FHOD3: variants seen among roughly 807,000 people sequenced by gnomAD.
The protein encoded by FHOD3 is formin homology 2 domain containing 3, also known as FH1/FH2 domain-containing protein 3.
Under a neutral mutation model 173.0 loss-of-function variants are expected in FHOD3, and 90 were observed. The ratio of observed to expected loss-of-function variants is 0.52; its 90% CI spans 0.44 to 0.62. The LOEUF (loss-of-function observed/expected upper bound fraction) is 0.62, where lower values mean the gene tolerates loss of function less well. FHOD3 is among the 20% of genes least tolerant of loss of function. The pLI is 0.00. For missense variants in FHOD3, 1,945 were observed against 2,034.7 expected (o/e 0.96, Z 0.85); for synonymous variants, 828 against 823.0 (o/e 1.01, Z -0.10).
At chr18:36,689,719 T>C (rs981381347) in intron 16 of FHOD3, among the ~76,000 whole-genome samples, 1 of 151,992 alleles carries the variant, frequency 6.6e-6, no homozygotes, top group African/African-American at 2.4e-5. Flanking sequence ...GATACTTCTG[T>C]TTGGGTTTGT....
At chr18:36,497,613 G>C (rs1383291530) in intron 3 of FHOD3, among the ~76,000 whole-genome samples, 1 of 152,106 alleles carries the variant, frequency 6.6e-6, no homozygotes, top group Non-Finnish European at 1.5e-5. Context: ...GATGAAGAGA[G>C]GTATTACATA....
intron 14 of FHOD3, among the ~76,000 whole-genome samples, chr18:36,660,576 A>AG (rs1192952326): frequency 1.3e-5 from 2 of 152,202 alleles, no homozygotes; most frequent in African/African-American, 4.8e-5. Context: ...GGAGGGTAAG[A>AG]GGAGACGCAA....
intron 5 of FHOD3, among the ~76,000 whole-genome samples, chr18:36,568,833 A>G (rs2058362430): frequency 6.6e-6 from 1 of 152,190 alleles, no homozygotes. Flanking sequence ...CGCGCAATGA[A>G]CTAGGAAAAT....
chr18:36,716,325 G>A (rs954213430), intron 18 of FHOD3, among the ~76,000 whole-genome samples: 4 of 152,180 alleles, frequency 2.6e-5, no homozygotes, highest in African/African-American at 9.7e-5. Flanking sequence ...ACATGAAGGT[G>A]TAGCCAACAA....
Position 36,760,514 on chromosome 18 carries a change from G to C in FHOD3, c.4450-94G>C, listed in dbSNP as rs2042823274. ...GTGTCTGCAAACAAAACAAGACAGA[G>C]GAGAGGAGCTTTTCCTCAACCACGG... is the stretch of plus-strand genomic sequence containing the variant. On this transcript the variant is annotated intron_variant, in intron 26 of 28. Coordinates refer to ENST00000590592, the MANE Select transcript of FHOD3 (RefSeq NM_001281740.3). 3.3e-6 allele frequency: 4 copies of C among 1,212,946 alleles called. No individual in the cohort carries two copies. In the East Asian group the frequency reaches 1.1e-4, roughly 32 times the overall value. The allele number at this position is 1,212,946 out of a possible 1,614,324, so 75.1% of individuals were successfully genotyped here.
chr18:36,703,627 G>T (rs943154697), intron 17 of FHOD3, among the ~76,000 whole-genome samples: 8 of 152,288 alleles, frequency 5.3e-5, no homozygotes, highest in Admixed American at 1.3e-4. Flanking sequence ...AGCAGGACCT[G>T]ATGTCCAGTG....
chr18:36,577,296 G>T (rs756384030), intron 6 of FHOD3, among the ~76,000 whole-genome samples: 6 of 151,680 alleles, frequency 4.0e-5, no homozygotes, highest in African/African-American at 7.3e-5. Flanking sequence ...ACCAAACTAG[G>T]TATTTTATTT....
chr18:36,763,254 A>T (rs1166855203), intron 27 of FHOD3, among the ~76,000 whole-genome samples: 1 of 146,614 alleles, frequency 6.8e-6, no homozygotes, highest in Non-Finnish European at 1.5e-5. Context: ...TACACGTTAT[A>T]TACAATATGC....
intron 8 of FHOD3, among the ~76,000 whole-genome samples, chr18:36,603,210 C>A (rs2031629645): frequency 6.6e-6 from 1 of 152,054 alleles, no homozygotes; most frequent in Admixed American, 6.6e-5. Context: ...TTATAGTAGC[C>A]ATAGGGAACT....
intron 7 of FHOD3, among the ~76,000 whole-genome samples, chr18:36,597,062 C>T: frequency 6.6e-6 from 1 of 152,200 alleles, no homozygotes; most frequent in East Asian, 1.9e-4. Flanking sequence ...ATCTTACTGT[C>T]CTAAGCTTCA....
chr18:36,651,714 G>C (rs2036063102), intron 11 of FHOD3, among the ~76,000 whole-genome samples: 1 of 150,924 alleles, frequency 6.6e-6, no homozygotes, highest in Non-Finnish European at 1.5e-5. Context: ...ATCACTGGGG[G>C]CAACAAGAGC....
intron 5 of FHOD3, among the ~76,000 whole-genome samples, chr18:36,568,302 TGGGCGACAGAG>T: frequency 9.2e-6 from 1 of 108,328 alleles, no homozygotes; most frequent in African/African-American, 3.9e-5. Flanking sequence ...GGCACCAGCC[TGGGCGACAGAG>T]CAGACTCTGT....
intron 3 of FHOD3, among the ~76,000 whole-genome samples, chr18:36,417,436 A>G (rs1330868699): frequency 6.6e-6 from 1 of 152,294 alleles, no homozygotes; most frequent in East Asian, 1.9e-4. Context: ...TCCATGGTGT[A>G]CATATACCAC....
chr18:36,719,197 G>A (rs2040624665), intron 19 of FHOD3, among the ~76,000 whole-genome samples: 1 of 152,202 alleles, frequency 6.6e-6, no homozygotes, highest in Non-Finnish European at 1.5e-5. Flanking sequence ...GCTTGGCCCT[G>A]ATCAAGCCAG....
chr18:36,476,487 G>A (rs917488925), intron 3 of FHOD3, among the ~76,000 whole-genome samples: 1 of 152,172 alleles, frequency 6.6e-6, no homozygotes. Context: ...GCTGGGAGGC[G>A]GGGAAGGCAT....
At chr18:36,512,370 G>A (rs1330250411) in intron 4 of FHOD3, 68 bp from the exon 5 acceptor site, 2 of 1,183,266 alleles carry the variant, frequency 1.7e-6, no homozygotes, top group Non-Finnish European at 2.5e-6. Flanking sequence ...CATAGTTTTA[G>A]CAGCACAGCT....
intron 1 of FHOD3, among the ~76,000 whole-genome samples, chr18:36,314,941 G>A (rs1042756669): frequency 4.6e-5 from 7 of 152,234 alleles, no homozygotes; most frequent in African/African-American, 1.7e-4. Context: ...GAAGTTAAAT[G>A]TGCAATCATG....
chr18:36,623,049 G>A (rs760161080), intron 9 of FHOD3, among the ~76,000 whole-genome samples: 7 of 152,218 alleles, frequency 4.6e-5, no homozygotes, highest in Non-Finnish European at 1.0e-4. Flanking sequence ...GTAGCTTGAT[G>A]TTTTGTTAAT....
intron 5 of FHOD3, among the ~76,000 whole-genome samples, chr18:36,514,976 C>T (rs12971049): frequency 6.6e-6 from 1 of 152,088 alleles, no homozygotes; most frequent in Non-Finnish European, 1.5e-5. Flanking sequence ...AGAGGGAGTT[C>T]GGAAAGAAAA....
Sources: allele counts gnomAD v4.1 joint callset (sites outside exome capture counted in the v4.1 genomes callset), GRCh38; gene constraint gnomAD v4.1.1; transcripts MANE v1.5; gene names NCBI Gene and HGNC (gene_info 2026-07-23, HGNC 2026-07-21).